Variants in ADPRHL1 observed in about 807,000 individuals in gnomAD.
ADPRHL1 encodes inactive ADP-ribosyltransferase ARH2.
A neutral mutation model predicts 44.1 loss-of-function variants in ADPRHL1; 43 were observed. That is an observed-to-expected ratio of 0.98 (90% confidence interval 0.76 to 1.26). The LOEUF (loss-of-function observed/expected upper bound fraction) is 1.26, where lower values mean the gene tolerates loss of function less well. Ranked by LOEUF, ADPRHL1 falls within the 50% of genes most tolerant of loss-of-function variation. The pLI is 0.00. For synonymous variants in ADPRHL1, 878 were observed against 1,017.4 expected (o/e 0.86, Z 2.61); for missense variants, 2,022 against 2,496.9 (o/e 0.81, Z 4.05).
Position 113,441,711 on chromosome 13 carries a change from T to C in ADPRHL1, c.379+2714A>G, listed in dbSNP as rs554842279. Among the ~76,000 whole-genome samples, 2 of 152,284 alleles carry C rather than the reference T, an allele frequency of 1.3e-5. No homozygotes were observed. The highest frequency in any genetic ancestry group is 4.8e-5 in the African/African-American group (2 of 41,576). On this transcript the variant is annotated intron_variant, in intron 2 of 7. Transcript: ENST00000612156. The surrounding 1 kb of genome is among the most constrained non-coding windows in gnomAD (Gnocchi z 6.0). Reference sequence around the variant, plus strand: ...GTAACACTCTATCCCGCTGCGTGGGTCCATGTCTCTATCATGCCATGTCCC... The same window carrying C: ...GTAACACTCTATCCCGCTGCGTGGGCCCATGTCTCTATCATGCCATGTCCC...
chr13:113,447,170 TG>T (rs113530249), intron 1 of ADPRHL1, among the ~76,000 whole-genome samples: 33,724 of 121,392 alleles, frequency 0.28, 6,094 homozygotes, highest in African/African-American at 0.5. Context: ...CTCACGGTGT[TG>T]TGTGTGCATG....
chr13:113,422,772 G>C (rs754779690), intron 7 of ADPRHL1, 54 bp downstream of exon 7: 1 of 1,605,386 alleles, frequency 6.2e-7, no homozygotes, highest in African/African-American at 1.3e-5. Flanking sequence ...AGGGCCCTAC[G>C]GGCCCCGGGG....
intron 4 of ADPRHL1, among the ~76,000 whole-genome samples, chr13:113,428,038 G>A (rs375857021): frequency 6.6e-6 from 1 of 152,226 alleles, no homozygotes; most frequent in South Asian, 2.1e-4. Flanking sequence ...GCCAAGGCGG[G>A]TCAGTTGAAG....
chr13:113,452,041 AT>A (rs2044182181), intron 1 of ADPRHL1, among the ~76,000 whole-genome samples: 1 of 152,194 alleles, frequency 6.6e-6, no homozygotes, highest in Non-Finnish European at 1.5e-5. Flanking sequence ...CACACACGGC[AT>A]CAGACGCCCA....
rs1595537394 is a variant in ADPRHL1, at chr13:113,409,460, A to G, written c.1062-1240T>C. On this transcript the variant is annotated intron_variant, in intron 7 of 7. Transcript: ENST00000612156. The surrounding 1 kb of genome is among the most constrained non-coding windows in gnomAD (Gnocchi z 4.2). Reference sequence around the variant, plus strand: ...TGCCGTTTATAATGTTGAAAAATCTAGAGCATCCTCGATGTCCAACTCCAG... The same window carrying G: ...TGCCGTTTATAATGTTGAAAAATCTGGAGCATCCTCGATGTCCAACTCCAG... The G allele has an allele frequency of 1.0e-6, 1 of 985,434 alleles. No homozygotes were observed. Among genetic ancestry groups the G allele is most frequent in the East Asian group, 1.1e-4 (1 of 8,812 alleles). The allele number at this position is 985,434 out of a possible 1,614,324, so 61.0% of individuals were successfully genotyped here.
chr13:113,405,687 C>T lies in ADPRHL1; in HGVS notation c.3595G>A (p.Val1199Ile), dbSNP rs564735904. Residue 1199 changes from valine to isoleucine, a missense_variant, in exon 8 of 8, where the codon GTC (valine) becomes ATC (isoleucine). Around this residue, in one of 8 missense-constraint regions of ADPRHL1, gnomAD observed 1,221 missense variants for 1,517.8 expected, o/e 0.80. Transcript: ENST00000612156. ...GTCGCAATGTCCTCTGGGTGCTGGA[C>T]GAGGGCCACGCCTCTCAGGAGGCTC... ...GRSLLRGVAL[V>I]QHPEDIATLA... 6.0e-5 allele frequency: 74 copies of T among 1,232,270 alleles called. No homozygotes were observed. Among genetic ancestry groups the T allele is most frequent in the Middle Eastern group, 6.2e-4 (2 of 3,214 alleles). The allele number at this position is 1,232,270 out of a possible 1,614,324, so 76.3% of individuals were successfully genotyped here. A position where few individuals can be genotyped will look rare whatever the true frequency, so the allele number is the denominator to read the frequency against.
chr13:113,436,957 T>C (rs1188910359), intron 2 of ADPRHL1, among the ~76,000 whole-genome samples: 166 of 65,256 alleles, frequency 2.5e-3, no homozygotes, highest in Admixed American at 3.4e-3. Flanking sequence ...AGCACCCAGG[T>C]GTAGAGTGAA....
intron 2 of ADPRHL1, among the ~76,000 whole-genome samples, chr13:113,443,879 G>T (rs974074944): frequency 1.3e-5 from 2 of 150,944 alleles, no homozygotes; most frequent in Non-Finnish European, 2.9e-5. Flanking sequence ...GGAGGCGGAG[G>T]TTGCAGTGAC....
chr13:113,419,581 T>C (rs1247795411), intron 7 of ADPRHL1, among the ~76,000 whole-genome samples: 1 of 152,172 alleles, frequency 6.6e-6, no homozygotes, highest in Non-Finnish European at 1.5e-5. Flanking sequence ...GACTAAGTCC[T>C]TTTCAGAAGA....
chr13:113,422,212 G>C (rs1222850882), intron 7 of ADPRHL1: 1 of 152,234 alleles, frequency 6.6e-6, no homozygotes, highest in East Asian at 1.9e-4. Flanking sequence ...TTCTCCGTGA[G>C]TTGTTTCAAA....
At chr13:113,413,743 C>T (rs1042271614) in intron 7 of ADPRHL1, among the ~76,000 whole-genome samples, 4 of 152,246 alleles carry the variant, frequency 2.6e-5, no homozygotes, top group South Asian at 2.1e-4. Context: ...GACCGCTGCC[C>T]GCCCAGCAGT....
At chr13:113,412,470 GC>G (rs1566467443) in intron 7 of ADPRHL1, among the ~76,000 whole-genome samples, 1 of 152,228 alleles carries the variant, frequency 6.6e-6, no homozygotes, top group East Asian at 1.9e-4. Context: ...GAGCCACCGC[GC>G]CCAGCCACAG....
intron 1 of ADPRHL1, among the ~76,000 whole-genome samples, chr13:113,448,380 C>A (rs1476382474): frequency 7.0e-6 from 1 of 143,616 alleles, no homozygotes; most frequent in African/African-American, 2.6e-5. Context: ...GCAGGAGAAT[C>A]GCTTGAACTC....
At chr13:113,434,731 C>T (rs11618230) in intron 2 of ADPRHL1, among the ~76,000 whole-genome samples, 10,672 of 28,258 alleles carry the variant, frequency 0.38, 2,752 homozygotes, top group East Asian at 0.61. Context: ...GGCACCCAGG[C>T]GTAGAGTGAA....
intron 4 of ADPRHL1, among the ~76,000 whole-genome samples, chr13:113,425,726 G>T (rs1334496740): frequency 1.4e-5 from 2 of 145,878 alleles, no homozygotes; most frequent in Non-Finnish European, 3.0e-5. Context: ...TGTTGCCCAG[G>T]CTGGAGTGCA....
intron 1 of ADPRHL1, among the ~76,000 whole-genome samples, chr13:113,452,249 C>T (rs2044183317): frequency 6.6e-6 from 1 of 152,184 alleles, no homozygotes; most frequent in Admixed American, 6.5e-5. Flanking sequence ...AGGCTGTGAA[C>T]AGTCGGACGC....
chr13:113,433,655 C>CCCCCCCCCCCCT, intron 3 of ADPRHL1, 87 bp downstream of exon 3: 1 of 1,457,684 alleles, frequency 6.9e-7, no homozygotes. Context: ...CCCCCGCCCC[C>CCCCCCCCCCCCT]CACCCCACAC....
intron 3 of ADPRHL1, among the ~76,000 whole-genome samples, chr13:113,431,495 C>T (rs997362859): frequency 2.6e-5 from 4 of 152,230 alleles, no homozygotes; most frequent in Non-Finnish European, 1.5e-5. Flanking sequence ...ACCCTGCCTA[C>T]GGCTCTGCCC....
At chr13:113,428,826 C>T in intron 4 of ADPRHL1, 126 bp downstream of exon 4, 1 of 1,436,232 alleles carries the variant, frequency 7.0e-7, no homozygotes, top group Non-Finnish European at 9.4e-7. Flanking sequence ...GCTCACATGG[C>T]CCGGACAGGG....
Sources: gnomAD v4.1 joint callset for allele counts (sites outside exome capture counted in the v4.1 genomes callset) on GRCh38, gnomAD v4.1.1 for gene constraint, gnomAD v4.1.1 regional missense constraint, Gnocchi (gnomAD v3.1) non-coding constraint, MANE v1.5 for transcripts, NCBI Gene and HGNC (gene_info 2026-07-23, HGNC 2026-07-21) for gene names.